Variants in TEX2 observed in about 807,000 individuals in gnomAD.
TEX2 encodes the protein testis-expressed protein 2.
TEX2 carries 53 observed loss-of-function variants against 106.9 expected under a neutral mutation model. That is an observed-to-expected ratio of 0.50 (90% CI 0.40 to 0.62). TEX2 has a LOEUF of 0.62. Among genes scored for constraint, TEX2 ranks in the 20% least tolerant of loss-of-function variants. TEX2 has a pLI of 0.00. For missense variants in TEX2, 1,207 were observed against 1,379.0 expected, an observed-to-expected ratio of 0.88 and a Z score of 1.98; for synonymous variants, 523 against 534.8, an observed-to-expected ratio of 0.98 and a Z score of 0.30.
In TEX2 at chr17:64,230,609, C is replaced by T. The variant is rs540659779; in HGVS notation, c.-25-16367G>A. On this transcript the variant is annotated intron_variant, in intron 1 of 11. Transcript: ENST00000584379. The stretch of plus-strand genomic sequence containing the variant: ...TAAATCAGTCATTGAAAACACAGAC[C>T]GAGTGAGGCCATGAGGCAGCAGAGG... The T allele has an allele frequency of 1.1e-4, 16 of 152,308 alleles. 1 individual carries two copies. The South Asian group carries it at 2.9e-3, about 28-fold the overall frequency. 9.4% of individuals were successfully genotyped at this position (152,308 alleles called of 1,614,324 possible).
At position 64,185,372 on chromosome 17, in the gene TEX2, C is replaced by T. The variant is rs1171995370; in HGVS notation, c.2424+2796G>A. Among the ~76,000 whole-genome samples, 1 of 152,156 alleles carries T rather than the reference C, an allele frequency of 6.6e-6. No homozygotes were observed. The highest frequency in any genetic ancestry group is 2.4e-5 in the African/African-American group (1 of 41,426). ...GCCTCCCTGGACTCACACCCCTGAG[C>T]AAATCTGCAGCTGACCTGTGGAGTC... On this transcript the variant is annotated intron_variant, in intron 5 of 11. Coordinates refer to ENST00000584379, the MANE Select transcript of TEX2 (RefSeq NM_001288732.2). This position sits in a 1 kb window ranked among gnomAD's most constrained non-coding sequence, Gnocchi z 4.0.
chr17:64,234,397 G>GT (rs549914002), intron 1 of TEX2, among the ~76,000 whole-genome samples: 6 of 152,152 alleles, frequency 3.9e-5, no homozygotes, highest in African/African-American at 9.7e-5. Flanking sequence ...TTGTTGTTGG[G>GT]TTTTTTTCTT....
chr17:64,259,633 T>C (rs1305158196), intron 1 of TEX2, among the ~76,000 whole-genome samples: 2 of 152,222 alleles, frequency 1.3e-5, no homozygotes, highest in African/African-American at 4.8e-5. Flanking sequence ...AACCATGGAT[T>C]ATTGCCTAGG....
intron 9 of TEX2, among the ~76,000 whole-genome samples, chr17:64,154,078 T>C (rs1397823268): frequency 6.6e-6 from 1 of 152,158 alleles, no homozygotes; most frequent in African/African-American, 2.4e-5. Context: ...TTCCAGAACA[T>C]GAGGAAAAGT....
At chr17:64,242,016 C>A (rs767178729) in intron 1 of TEX2, among the ~76,000 whole-genome samples, 12 of 152,156 alleles carry the variant, frequency 7.9e-5, no homozygotes, top group Non-Finnish European at 1.5e-4. Context: ...CTGTATGTGG[C>A]AGAAAGTTAG....
intron 11 of TEX2, chr17:64,150,095 A>C (rs1360818622): frequency 6.6e-6 from 1 of 152,148 alleles, no homozygotes; most frequent in East Asian, 1.9e-4. Context: ...TAAGGCAGTA[A>C]CTCAAAATAT....
chr17:64,189,669 G>A (rs570261158), intron 4 of TEX2, among the ~76,000 whole-genome samples: 9 of 152,240 alleles, frequency 5.9e-5, no homozygotes, highest in African/African-American at 2.2e-4. Context: ...CTGATGGCCA[G>A]GTGAAACGTA....
At chr17:64,200,620 G>C (rs1346799147) in intron 2 of TEX2, among the ~76,000 whole-genome samples, 3 of 152,190 alleles carry the variant, frequency 2.0e-5, no homozygotes, top group African/African-American at 7.2e-5. Flanking sequence ...AGGAATCCCA[G>C]AACAACCTGA....
At chr17:64,215,286 A>G (rs1362701332) in intron 1 of TEX2, among the ~76,000 whole-genome samples, 1 of 152,268 alleles carries the variant, frequency 6.6e-6, no homozygotes, top group Non-Finnish European at 1.5e-5. Flanking sequence ...GAGCCAAGAC[A>G]CAGGGCACGC....
Position 64,213,782 on chromosome 17 carries a change from T to G in TEX2, c.436A>C (p.Ser146Arg). 6.2e-7 allele frequency: 1 copy of G among 1,614,100 alleles called. No homozygotes were observed. The highest frequency in any genetic ancestry group is 8.5e-7 in the Non-Finnish European group (1 of 1,180,004). Residue 146 changes from serine (S) to arginine (R), a missense_variant, in exon 2 of 12, where the codon AGC becomes CGC. Ser to Arg is a moderately radical substitution (Grantham distance 110). This residue lies in a region of TEX2 where 1,067 missense variants were observed against 1,193.6 expected (regional missense o/e 0.89). Transcript: ENST00000584379. The surrounding 1 kb of genome is among the most constrained non-coding windows in gnomAD (Gnocchi z 4.4). ...PGSSSSGPLA[S>R]SPSVSSLSEQ... ...GAAAGGGATGACACACTGGGAGAGC[T>G]AGCTAAGGGCCCCGACGAAGACGAC...
At position 64,212,612 on chromosome 17, in the gene TEX2, T is replaced by A; in HGVS notation, c.1606A>T (p.Thr536Ser). ...KLHKNLRHWN[T>S]RSLDIKEPEI... ...GGTTCTTTGATATCCAGAGATCTTGTGTTCCAGTGTCGCAGATTTTTGTGT... is the reference window on the plus strand; with the variant it reads ...GGTTCTTTGATATCCAGAGATCTTGAGTTCCAGTGTCGCAGATTTTTGTGT... The change falls in exon 2 of 12, where the codon ACA becomes TCA. Residue 536 changes from threonine (T) to serine (S), a missense_variant. This residue lies in a region of TEX2 where 1,067 missense variants were observed against 1,193.6 expected (regional missense o/e 0.89). Transcript: ENST00000584379. 1 of 1,614,230 alleles carries A rather than the reference T, an allele frequency of 6.2e-7. No individual in the cohort carries two copies.
rs566416831 is a variant in TEX2 at position 64,258,370 on chromosome 17, G to A, written c.-26+4798C>T. 4.6e-5 allele frequency among the ~76,000 whole-genome samples: 7 copies of A among 152,278 alleles called. No homozygotes were observed. In the South Asian group the frequency reaches 1.5e-3, roughly 32 times the overall value. ...AGGCATCCACTGGGGAGCAACATAA[G>A]CCAGTATTCTAGGCCCAGCTATCAG... On this transcript the variant is annotated intron_variant, in intron 1 of 11. Transcript: ENST00000584379.
At position 64,214,320 on chromosome 17, in the gene TEX2, C is replaced by G. The variant is rs139267669; in HGVS notation, c.-25-78G>C. On this transcript the variant is annotated intron_variant, in intron 1 of 11. Transcript: ENST00000584379. ...ACGCTGTCATTCGCAGATAGGAGCA[C>G]AGATGAAGCTGTTTAAGTGGTGATT... is the stretch of plus-strand genomic sequence containing the variant. The G allele has an allele frequency of 1.0e-4, 125 of 1,223,608 alleles. No individual in the cohort carries two copies. In the African/African-American group the frequency reaches 1.8e-3, roughly 18 times the overall value. 75.8% of individuals were successfully genotyped at this position (1,223,608 alleles called of 1,614,324 possible).
At chr17:64,227,883 C>T (rs947768146) in intron 1 of TEX2, among the ~76,000 whole-genome samples, 1 of 152,188 alleles carries the variant, frequency 6.6e-6, no homozygotes, top group Non-Finnish European at 1.5e-5. Flanking sequence ...GCAGCCCTCC[C>T]TAATTGTTTA....
intron 2 of TEX2, among the ~76,000 whole-genome samples, chr17:64,210,504 T>A (rs1042115187): frequency 1.4e-4 from 22 of 152,024 alleles, no homozygotes; most frequent in Non-Finnish European, 2.5e-4. Flanking sequence ...GATCAAAAAA[T>A]TTTTTTTCTT....
chr17:64,248,727 A>G (rs1340680076), intron 1 of TEX2, among the ~76,000 whole-genome samples: 2 of 151,396 alleles, frequency 1.3e-5, no homozygotes, highest in East Asian at 3.9e-4. Flanking sequence ...CTGTGTACCC[A>G]CATTGACAGA....
At chr17:64,215,047 T>C (rs2033143209) in intron 1 of TEX2, among the ~76,000 whole-genome samples, 1 of 152,240 alleles carries the variant, frequency 6.6e-6, no homozygotes, top group South Asian at 2.1e-4. Flanking sequence ...GTGAGAGATG[T>C]GGAAGCTATG....
intron 1 of TEX2, among the ~76,000 whole-genome samples, chr17:64,237,447 G>A (rs7208822): frequency 0.54 from 82,497 of 151,766 alleles, 24,157 homozygotes; most frequent in East Asian, 0.83. Flanking sequence ...GACCAGATGC[G>A]TATTTTGAAA....
chr17:64,154,699 C>G, intron 9 of TEX2, 143 bp downstream of exon 9: 1 of 1,079,240 alleles, frequency 9.3e-7, no homozygotes, highest in Non-Finnish European at 1.3e-6. Flanking sequence ...AGACCACTGA[C>G]CTGGGATATT....
Sources: gnomAD v4.1 joint callset for allele counts (sites outside exome capture counted in the v4.1 genomes callset) on GRCh38, gnomAD v4.1.1 for gene constraint, gnomAD v4.1.1 regional missense constraint, Gnocchi (gnomAD v3.1) non-coding constraint, MANE v1.5 for transcripts, NCBI Gene and HGNC (gene_info 2026-07-23, HGNC 2026-07-21) for gene names.